The following RIMS1 variants were observed in gnomAD, a reference collection of about 807,000 sequenced individuals.
The protein encoded by RIMS1 is regulating synaptic membrane exocytosis 1.
In RIMS1, 83 loss-of-function variants were observed where a neutral mutation model predicts 214.1. The observed-to-expected ratio is 0.39, with a 90% CI of 0.32 to 0.47. The LOEUF is 0.47. RIMS1 is among the 20% of genes least tolerant of loss of function. The pLI is 0.99. For missense variants in RIMS1, 2,050 were observed against 2,161.8 expected (o/e 0.95, Z 1.03); for synonymous variants, 793 against 786.8 (o/e 1.01, Z -0.13).
chr6:72,350,088 G>T (rs1244101362), intron 29 of RIMS1, among the ~76,000 whole-genome samples: 3 of 151,982 alleles, frequency 2.0e-5, no homozygotes, highest in Non-Finnish European at 4.4e-5. Flanking sequence ...TCTTCTCATG[G>T]ATCATTCTTT....
At chr6:71,917,938 A>ACCTC (rs1229753278) in intron 1 of RIMS1, among the ~76,000 whole-genome samples, 1 of 152,138 alleles carries the variant, frequency 6.6e-6, no homozygotes, top group Non-Finnish European at 1.5e-5. Context: ...ATTTGCTGTG[A>ACCTC]TGGTGTTCAC....
At chr6:72,046,085 A>T (rs1007291075) in intron 2 of RIMS1, among the ~76,000 whole-genome samples, 1 of 152,136 alleles carries the variant, frequency 6.6e-6, no homozygotes, top group African/African-American at 2.4e-5. Context: ...ATTTTGCTTC[A>T]CAGATAAGTG....
intron 2 of RIMS1, among the ~76,000 whole-genome samples, chr6:72,015,140 A>T (rs1306225739): frequency 6.6e-6 from 1 of 152,208 alleles, no homozygotes; most frequent in African/African-American, 2.4e-5. Context: ...TATTTCATAT[A>T]CACATTATGC....
At chr6:72,249,234 A>T (rs2071822807) in intron 12 of RIMS1, among the ~76,000 whole-genome samples, 1 of 152,212 alleles carries the variant, frequency 6.6e-6, no homozygotes, top group Non-Finnish European at 1.5e-5. Context: ...AAAGGAAAAA[A>T]ATTAAAGTTA....
intron 2 of RIMS1, among the ~76,000 whole-genome samples, chr6:72,028,853 G>A (rs13210972): frequency 9.2e-5 from 14 of 152,184 alleles, no homozygotes; most frequent in South Asian, 8.3e-4. Context: ...CATGTATTGC[G>A]CACCTTCTGT....
At chr6:72,211,042 A>G (rs117478321) in intron 6 of RIMS1, among the ~76,000 whole-genome samples, 2,156 of 152,340 alleles carry the variant, frequency 0.014, 26 homozygotes, top group Middle Eastern at 0.031. Flanking sequence ...AAAACCTCTC[A>G]GAGGAGGTAT....
At chr6:72,056,083 T>TAA (rs11413147) in intron 2 of RIMS1, among the ~76,000 whole-genome samples, 68 of 150,836 alleles carry the variant, frequency 4.5e-4, no homozygotes, top group East Asian at 1.8e-3. Context: ...TATGCAGCCA[T>TAA]AAAAAAAAAG....
intron 2 of RIMS1, among the ~76,000 whole-genome samples, chr6:71,978,576 T>C (rs1052438927): frequency 2.0e-5 from 3 of 152,164 alleles, no homozygotes; most frequent in Non-Finnish European, 4.4e-5. Context: ...TAAAATCCAG[T>C]CAAGAAGAAA....
intron 4 of RIMS1, among the ~76,000 whole-genome samples, chr6:72,104,513 A>G (rs1234182263): frequency 9.2e-5 from 14 of 152,176 alleles, no homozygotes; most frequent in Admixed American, 5.9e-4. Context: ...CTTCTGCACC[A>G]TGGAGCTGGA....
At chr6:72,395,221 C>T (rs1329574724) in intron 31 of RIMS1, among the ~76,000 whole-genome samples, 1 of 151,998 alleles carries the variant, frequency 6.6e-6, no homozygotes, top group Non-Finnish European at 1.5e-5. Context: ...AATAGAGAGA[C>T]AGTTTTTGGA....
Position 72,077,037 on chromosome 6 carries a change from C to A in RIMS1, c.246-19912C>A, listed in dbSNP as rs773448418. On this transcript the variant is annotated intron_variant, in intron 2 of 33. Transcript: ENST00000521978. ...CTGACCTTATCTCCAATCCCCACTC[C>A]ACTCTGCCTCGTCTGCCCTGACCCA... Among the ~76,000 whole-genome samples, 134 of 152,184 alleles carry A rather than the reference C, an allele frequency of 8.8e-4. 2 individuals are homozygous for A. Among genetic ancestry groups the A allele is most frequent in the Non-Finnish European group, 1.5e-3 (100 of 68,028 alleles).
chr6:72,259,035 C>T lies in RIMS1; in HGVS notation c.2977C>T (p.His993Tyr), dbSNP rs1481729611. The T allele has an allele frequency of 6.2e-7, 1 of 1,612,246 alleles. No homozygotes were observed. Among genetic ancestry groups the T allele is most frequent in the African/African-American group, 1.3e-5 (1 of 74,968 alleles). Residue 993 changes from histidine to tyrosine, a missense_variant, in exon 18 of 34, where the codon CAC becomes TAC. By Grantham distance (83) the His-to-Tyr change is moderately conservative (BLOSUM62 2). This residue lies in a region of RIMS1 where 889 missense variants were observed against 885.5 expected (regional missense o/e 1.00). Transcript: ENST00000521978. Reference protein sequence around the residue: ...PTRRSRSPTRHHDASRSPVDH... With the variant: ...PTRRSRSPTRYHDASRSPVDH... ...AAGAAGGTCACGTTCTCCAACCAGA[C>T]ACCATGATGCCTCCCGAAGTCCAGT...
chr6:72,049,140 G>T (rs1044929651), intron 2 of RIMS1, among the ~76,000 whole-genome samples: 1 of 152,292 alleles, frequency 6.6e-6, no homozygotes, highest in East Asian at 1.9e-4. Context: ...AAGTTCAGGG[G>T]ATCCAGAATC....
chr6:72,011,335 A>G (rs1039300619), intron 2 of RIMS1, among the ~76,000 whole-genome samples: 2 of 152,126 alleles, frequency 1.3e-5, no homozygotes, highest in Non-Finnish European at 2.9e-5. Flanking sequence ...AATTCAAGAT[A>G]GATTAAAGAC....
chr6:72,029,524 G>A (rs1346418805), intron 2 of RIMS1, among the ~76,000 whole-genome samples: 1 of 152,124 alleles, frequency 6.6e-6, no homozygotes, highest in Non-Finnish European at 1.5e-5. Flanking sequence ...AGAAGGAACA[G>A]GGCCCTCACC....
chr6:72,337,984 C>A (rs1277793415), intron 29 of RIMS1, among the ~76,000 whole-genome samples: 1 of 151,680 alleles, frequency 6.6e-6, no homozygotes, highest in Non-Finnish European at 1.5e-5. Context: ...TTAATCCAAT[C>A]TATCATTGTT....
rs137944634 is a variant in RIMS1, at chr6:72,150,115, T to C, written c.472-29460T>C. 4.7e-4 allele frequency among the ~76,000 whole-genome samples: 71 copies of C among 151,164 alleles called. No homozygotes were observed. The East Asian group carries it at 0.013, about 28-fold the overall frequency. On this transcript the variant is annotated intron_variant, in intron 4 of 33. Coordinates refer to ENST00000521978, the MANE Select transcript of RIMS1 (RefSeq NM_014989.7). The stretch of plus-strand genomic sequence containing the variant: ...GGGTGGTCCCCCATCTGAAGTCAAG[T>C]GGTTTCTCTCAGTGTGGCTGGGCCT...
At chr6:72,258,363 A>C (rs936007852) in intron 17 of RIMS1, 82 bp downstream of exon 17, 1 of 1,313,036 alleles carries the variant, frequency 7.6e-7, no homozygotes, top group Non-Finnish European at 1.0e-6. Context: ...ACTAACTGAA[A>C]TGAAAAAATA....
chr6:71,958,445 G>C (rs1791949717), intron 1 of RIMS1, among the ~76,000 whole-genome samples: 2 of 152,108 alleles, frequency 1.3e-5, no homozygotes, highest in South Asian at 2.1e-4. Flanking sequence ...GTGGATAAAT[G>C]AGAGTACTCA....
Sources: gnomAD v4.1 joint callset for allele counts (sites outside exome capture counted in the v4.1 genomes callset) on GRCh38, gnomAD v4.1.1 for gene constraint, gnomAD v4.1.1 regional missense constraint, MANE v1.5 for transcripts, NCBI Gene and HGNC (gene_info 2026-07-23, HGNC 2026-07-21) for gene names.